LRRC4C: variants seen among roughly 807,000 people sequenced by gnomAD.
The protein encoded by LRRC4C is leucine rich repeat containing 4C, also known as leucine-rich repeat-containing protein 4C.
Under a neutral mutation model 33.6 loss-of-function variants are expected in LRRC4C, and 5 were observed. The ratio of observed to expected loss-of-function variants is 0.15; its 90% CI spans 0.08 to 0.31. The LOEUF (loss-of-function observed/expected upper bound fraction) is 0.31, where lower values mean the gene tolerates loss of function less well. Ranked by LOEUF, LRRC4C falls within the 10% of genes least tolerant of loss-of-function variation. The pLI is 1.00. For missense variants in LRRC4C, 560 were observed against 796.7 expected (o/e 0.70, Z 3.58); for synonymous variants, 329 against 302.0 (o/e 1.09, Z -0.93).
intron 4 of LRRC4C, among the ~76,000 whole-genome samples, chr11:40,291,444 T>G (rs1944184739): frequency 6.6e-6 from 1 of 152,218 alleles, no homozygotes; most frequent in African/African-American, 2.4e-5. Flanking sequence ...TGGAAAGGTT[T>G]CTGGCAAAAC....
intron 1 of LRRC4C, among the ~76,000 whole-genome samples, chr11:41,221,279 C>A (rs1046723591): frequency 6.7e-6 from 1 of 148,624 alleles, no homozygotes; most frequent in East Asian, 1.9e-4. Context: ...GTGCGGCCAA[C>A]CATCATATGA....
chr11:40,745,390 T>C (rs1253102565), intron 2 of LRRC4C, among the ~76,000 whole-genome samples: 1 of 152,208 alleles, frequency 6.6e-6, no homozygotes, highest in African/African-American at 2.4e-5. Context: ...TTTTGGAAGG[T>C]ACATTTTCAA....
chr11:40,844,181 A>G (rs1230370509), intron 2 of LRRC4C, among the ~76,000 whole-genome samples: 1 of 152,140 alleles, frequency 6.6e-6, no homozygotes, highest in Non-Finnish European at 1.5e-5. Flanking sequence ...TGGCACATGT[A>G]TACGTATGTA....
chr11:40,181,200 C>T (rs1860971523), intron 5 of LRRC4C, among the ~76,000 whole-genome samples: 1 of 152,206 alleles, frequency 6.6e-6, no homozygotes, highest in African/African-American at 2.4e-5. Flanking sequence ...CATCCTCCTT[C>T]CTCCATCTCT....
chr11:40,828,372 A>G (rs1456002444), intron 2 of LRRC4C, among the ~76,000 whole-genome samples: 1 of 151,748 alleles, frequency 6.6e-6, no homozygotes, highest in Non-Finnish European at 1.5e-5. Flanking sequence ...CCTGATTTCT[A>G]CAAATAATAT....
Position 40,772,072 on chromosome 11 carries a change from G to A in LRRC4C, c.-406-123794C>T, listed in dbSNP as rs151112505. 6.3e-3 allele frequency among the ~76,000 whole-genome samples: 963 copies of A among 152,118 alleles called. 10 individuals carry two copies. Among genetic ancestry groups the A allele is most frequent in the African/African-American group, 0.02 (838 of 41,502 alleles). The stretch of plus-strand genomic sequence containing the variant: ...TTGTACCGATTTACTGTATTAGTCC[G>A]TTCTCACACTGCTATAAAGAACTGC... On this transcript the variant is annotated intron_variant, in intron 2 of 6. Coordinates refer to ENST00000528697, the MANE Select transcript of LRRC4C (RefSeq NM_001258419.2).
intron 3 of LRRC4C, among the ~76,000 whole-genome samples, chr11:40,556,409 A>G (rs1264855661): frequency 6.6e-6 from 1 of 152,232 alleles, no homozygotes; most frequent in Non-Finnish European, 1.5e-5. Flanking sequence ...AGAGTGAGCT[A>G]TAGGAATAAA....
chr11:40,327,948 A>G (rs1946176512), intron 3 of LRRC4C, among the ~76,000 whole-genome samples: 1 of 152,128 alleles, frequency 6.6e-6, no homozygotes, highest in Admixed American at 6.6e-5. Context: ...AATTTGCTTG[A>G]GATTTTTTTA....
At chr11:40,655,594 T>C (rs11035996) in intron 2 of LRRC4C, among the ~76,000 whole-genome samples, 26,230 of 152,182 alleles carry the variant, frequency 0.17, 2,348 homozygotes, top group Non-Finnish European at 0.19. Context: ...TTTGAAGACC[T>C]CTACAGAAAC....
chr11:40,616,653 C>T (rs4755559), intron 3 of LRRC4C, among the ~76,000 whole-genome samples: 30,752 of 151,552 alleles, frequency 0.2, 3,849 homozygotes, highest in Middle Eastern at 0.32. Context: ...AGCAAACTAT[C>T]GCAAGGACAA....
intron 3 of LRRC4C, among the ~76,000 whole-genome samples, chr11:40,356,506 CG>C (rs1947678330): frequency 6.6e-6 from 1 of 152,088 alleles, no homozygotes; most frequent in South Asian, 2.1e-4. Flanking sequence ...AATGTCTGGC[CG>C]CTAAGGGTAG....
intron 2 of LRRC4C, among the ~76,000 whole-genome samples, chr11:40,859,066 C>T (rs1008566386): frequency 6.6e-6 from 1 of 152,114 alleles, no homozygotes; most frequent in Non-Finnish European, 1.5e-5. Flanking sequence ...CAAAATAGAT[C>T]CCAAAAGAGG....
chr11:41,438,058 T>TAAAC (rs1955494433), intron 1 of LRRC4C, among the ~76,000 whole-genome samples: 1 of 146,578 alleles, frequency 6.8e-6, no homozygotes. Flanking sequence ...AATAAATAAA[T>TAAAC]AAATAAATAA....
chr11:40,121,775 T>C (rs1855845293), intron 6 of LRRC4C, among the ~76,000 whole-genome samples: 3 of 152,216 alleles, frequency 2.0e-5, no homozygotes, highest in Admixed American at 2.0e-4. Context: ...TGCTAAGTCA[T>C]CATAGGCTTT....
chr11:41,021,202 A>T (rs866563100), intron 1 of LRRC4C, among the ~76,000 whole-genome samples: 15,544 of 47,562 alleles, frequency 0.33, 1,351 homozygotes, highest in South Asian at 0.39. Flanking sequence ...AGAGAGAGAG[A>T]GAGAGAGAGA....
intron 1 of LRRC4C, among the ~76,000 whole-genome samples, chr11:41,097,750 G>A (rs146791460): frequency 1.6e-4 from 24 of 152,124 alleles, no homozygotes; most frequent in Admixed American, 7.9e-4. Context: ...TGGTAACAAA[G>A]TATCTTATTT....
At chr11:40,165,438 T>C (rs904868065) in intron 5 of LRRC4C, among the ~76,000 whole-genome samples, 1 of 152,092 alleles carries the variant, frequency 6.6e-6, no homozygotes, top group African/African-American at 2.4e-5. Flanking sequence ...TTGAAGGAGA[T>C]GAAGAAAACA....
chr11:41,165,251 G>A (rs1047022062), intron 1 of LRRC4C, among the ~76,000 whole-genome samples: 1 of 152,040 alleles, frequency 6.6e-6, no homozygotes, highest in Non-Finnish European at 1.5e-5. Flanking sequence ...CCAGGACCTG[G>A]TGTTGAGTCT....
intron 1 of LRRC4C, among the ~76,000 whole-genome samples, chr11:41,114,812 T>C (rs1473041547): frequency 6.6e-6 from 1 of 152,118 alleles, no homozygotes; most frequent in Non-Finnish European, 1.5e-5. Flanking sequence ...AGTAAATGAT[T>C]CAAGGTAATC....
Sources: allele counts gnomAD v4.1 joint callset (sites outside exome capture counted in the v4.1 genomes callset), GRCh38; gene constraint gnomAD v4.1.1; transcripts MANE v1.5; gene names NCBI Gene and HGNC (gene_info 2026-07-23, HGNC 2026-07-21).